Variants in LRRC41 observed in about 807,000 individuals in gnomAD.
The protein encoded by LRRC41 is leucine rich repeat containing 41.
A neutral mutation model predicts 72.1 loss-of-function variants in LRRC41; 17 were observed. The observed-to-expected ratio is 0.24, with a 90% CI of 0.16 to 0.35. The LOEUF is 0.35. Among genes scored for constraint, LRRC41 ranks in the 10% least tolerant of loss-of-function variants. The pLI is 1.00. For synonymous variants in LRRC41, 427 were observed against 431.0 expected (o/e 0.99, Z 0.11); for missense variants, 759 against 1,065.0 (o/e 0.71, Z 4.00).
intron 3 of LRRC41, among the ~76,000 whole-genome samples, chr1:46,291,116 G>T (rs2148320945): frequency 6.6e-6 from 1 of 151,100 alleles, no homozygotes; most frequent in Non-Finnish European, 1.5e-5. Flanking sequence ...GTAGAGATGG[G>T]GTTTCGCCAT....
rs1326519913 is a variant in LRRC41, at chr1:46,280,499, C to T, written c.1818G>A (p.Leu606=). 6.2e-7 allele frequency: 1 copy of T among 1,614,210 alleles called. No individual in the cohort carries two copies. Among genetic ancestry groups the T allele is most frequent in the South Asian group, 1.1e-5 (1 of 91,084 alleles). Residue 606 remains leucine, a synonymous_variant, in exon 6 of 10, where the codon CTG becomes CTA. Coordinates refer to ENST00000617190, the MANE Select transcript of LRRC41 (RefSeq NM_006369.5). ...AACCCGAGGCCTTCAGAACGGAGCA[C>T]AGCAGTGGGGCTGGCTGGGCTCCCC... is the stretch of plus-strand genomic sequence containing the variant. ...FPRGAQPAPL[L]CSVLKASGSL... is the part of the protein sequence containing the mutation.
chr1:46,298,935 G>GTA (rs1661175173), intron 1 of LRRC41: 1 of 152,288 alleles, frequency 6.6e-6, no homozygotes, highest in South Asian at 2.1e-4. Flanking sequence ...CATCTTTCAA[G>GTA]TATCACATGC....
Position 46,302,549 on chromosome 1 carries a change from C to G in LRRC41, c.199+575G>C. ...CCGACCCTTTCGTTCGGCCTCTCCCCCTGCCCCATTCCCTCGCTCTCCAAT... is the reference window on the plus strand; with the variant it reads ...CCGACCCTTTCGTTCGGCCTCTCCCGCTGCCCCATTCCCTCGCTCTCCAAT... On this transcript the variant is annotated intron_variant, in intron 1 of 9. Transcript: ENST00000617190. This position sits in a 1 kb window ranked among gnomAD's most constrained non-coding sequence, Gnocchi z 4.7. The G allele has an allele frequency of 1.0e-6, 1 of 985,076 alleles. No homozygotes were observed. The highest frequency in any genetic ancestry group is 1.2e-6 in the Non-Finnish European group (1 of 829,834). The allele number at this position is 985,076 out of a possible 1,614,324, so 61.0% of individuals were successfully genotyped here.
chr1:46,298,385 A>G lies in LRRC41; in HGVS notation c.200-15T>C. 1.1e-5 allele frequency: 18 copies of G among 1,566,920 alleles called. No homozygotes were observed. Among genetic ancestry groups the G allele is most frequent in the Non-Finnish European group, 1.6e-5 (18 of 1,141,904 alleles). Reference sequence around the variant, plus strand: ...GCCTGGGAGGGCTACAAAAATCAAAACAAAAGTTTACTTTTCCTCCCCTCC... The same window carrying G: ...GCCTGGGAGGGCTACAAAAATCAAAGCAAAAGTTTACTTTTCCTCCCCTCC... On this transcript the variant is annotated splice_polypyrimidine_tract_variant and intron_variant, in intron 1 of 9. Transcript: ENST00000617190.
At chr1:46,282,322 C>A (rs1043083920) in intron 4 of LRRC41, among the ~76,000 whole-genome samples, 1 of 152,142 alleles carries the variant, frequency 6.6e-6, no homozygotes, top group Non-Finnish European at 1.5e-5. Flanking sequence ...AAAAGATAAC[C>A]AAATCCCACA....
At chr1:46,298,522 C>G in intron 1 of LRRC41, 152 bp from the exon 2 acceptor site, 2 of 533,976 alleles carry the variant, frequency 3.7e-6, no homozygotes, top group Non-Finnish European at 6.6e-6. Flanking sequence ...TAGATCTGTT[C>G]CAAACTCTAG....
rs1660770539 is a variant in LRRC41 at position 46,281,323 on chromosome 1, A to T, written c.1558T>A (p.Cys520Ser). 4 of 1,614,096 alleles carry T rather than the reference A, an allele frequency of 2.5e-6. No individual in the cohort carries two copies. Among genetic ancestry groups the T allele is most frequent in the Non-Finnish European group, 3.4e-6 (4 of 1,180,038 alleles). Residue 520 changes from cysteine to serine, a missense_variant, in exon 5 of 10, where the codon TGT becomes AGT. By Grantham distance (112) the Cys-to-Ser change is moderately radical. Transcript: ENST00000617190. ...SLRALSGQAG[C>S]RLRALHLSDL... ...CTGAGATGCAGGGCACGGAGGCGAC[A>T]TCCAGCCTGGCCTGACAGGGCCCGC...
intron 3 of LRRC41, among the ~76,000 whole-genome samples, chr1:46,287,543 C>T (rs1400827417): frequency 6.6e-6 from 1 of 152,228 alleles, no homozygotes; most frequent in African/African-American, 2.4e-5. Flanking sequence ...ACCCTAATGT[C>T]TCCCTACTGC....
intron 1 of LRRC41, 94 bp from the exon 2 acceptor site, chr1:46,298,464 G>A (rs1661167546): frequency 1.4e-6 from 1 of 696,660 alleles, no homozygotes; most frequent in East Asian, 2.8e-5. Context: ...AAAGGAAAAT[G>A]GAAGGGTAGA....
chr1:46,292,403 G>A (rs890946930), intron 3 of LRRC41, among the ~76,000 whole-genome samples: 2 of 152,102 alleles, frequency 1.3e-5, no homozygotes, highest in Non-Finnish European at 2.9e-5. Flanking sequence ...AGCCAGCCTA[G>A]ATATTTTAAA....
At chr1:46,294,751 C>A (rs552738360) in intron 3 of LRRC41, among the ~76,000 whole-genome samples, 3 of 151,860 alleles carry the variant, frequency 2.0e-5, no homozygotes, top group African/African-American at 4.8e-5. Context: ...CGTGCCACCA[C>A]GCCCAGCTAA....
At chr1:46,289,645 T>G (rs979931457) in intron 3 of LRRC41, among the ~76,000 whole-genome samples, 1 of 151,986 alleles carries the variant, frequency 6.6e-6, no homozygotes, top group Admixed American at 6.6e-5. Context: ...CCTGTAGTCC[T>G]GGCTACTCAG....
chr1:46,279,669 C>T lies in LRRC41; in HGVS notation c.2021-55G>A, dbSNP rs1210442109. 6.2e-7 allele frequency: 1 copy of T among 1,607,756 alleles called. No homozygotes were observed. Among genetic ancestry groups the T allele is most frequent in the African/African-American group, 1.3e-5 (1 of 74,872 alleles). ...TGGCTGCATTAGGACTGGTGCTGCCCCTCCTGCCCCAGTTGGCCCTAGCAA... is the reference window on the plus strand; with the variant it reads ...TGGCTGCATTAGGACTGGTGCTGCCTCTCCTGCCCCAGTTGGCCCTAGCAA... On this transcript the variant is annotated intron_variant, in intron 7 of 9. Transcript: ENST00000617190. The surrounding 1 kb of genome is among the most constrained non-coding windows in gnomAD (Gnocchi z 4.5).
Position 46,278,928 on chromosome 1 carries a change from G to C in LRRC41, c.2376C>G (p.Cys792Trp). ...AGTCCCATGAGTCGCTAACCACATGGCAGGTAGCCCGGAGCCGCCGGATGG... is the reference window on the plus strand; with the variant it reads ...AGTCCCATGAGTCGCTAACCACATGCCAGGTAGCCCGGAGCCGCCGGATGG... The part of the protein sequence containing the change: ...REAIRRLRAT[C>W]HVVSDSWDSS... Residue 792 changes from cysteine to tryptophan, a missense_variant, in exon 10 of 10, where the codon TGC (cysteine) becomes TGG (tryptophan). Cys to Trp is a radical substitution (Grantham distance 215). This residue lies in a region of LRRC41 where 110 missense variants were observed against 227.0 expected (regional missense o/e 0.48). Coordinates refer to ENST00000617190, the MANE Select transcript of LRRC41 (RefSeq NM_006369.5). The C allele has an allele frequency of 6.2e-7, 1 of 1,613,808 alleles. No individual in the cohort carries two copies. The highest frequency in any genetic ancestry group is 8.5e-7 in the Non-Finnish European group (1 of 1,180,022).
Position 46,279,738 on chromosome 1 carries a change from T to G in LRRC41, c.2021-124A>C, listed in dbSNP as rs1377056220. The G allele has an allele frequency of 7.9e-6, 9 of 1,143,922 alleles. No homozygotes were observed. In the Admixed American group the frequency reaches 1.8e-4, roughly 23 times the overall value. 70.9% of individuals were successfully genotyped at this position (1,143,922 alleles called of 1,614,324 possible). A position where few individuals can be genotyped will look rare whatever the true frequency, so the allele number is the denominator to read the frequency against. ...AGGCCCAAAAAGAGGAAGGAATTTGTCTAGACTCCAAGCAAGGCTGGAACT... is the reference window on the plus strand; with the variant it reads ...AGGCCCAAAAAGAGGAAGGAATTTGGCTAGACTCCAAGCAAGGCTGGAACT... On this transcript the variant is annotated intron_variant, in intron 7 of 9. Transcript: ENST00000617190. This position sits in a 1 kb window ranked among gnomAD's most constrained non-coding sequence, Gnocchi z 4.5.
chr1:46,286,519 C>A lies in LRRC41; in HGVS notation c.358-20G>T. On this transcript the variant is annotated intron_variant, in intron 3 of 9. Transcript: ENST00000617190. The surrounding 1 kb of genome is among the most constrained non-coding windows in gnomAD (Gnocchi z 5.5). ...CACACTCTGAAACGCAGAAAACATG[C>A]CAGACAGCCATGATATATCCATGAA... The A allele has an allele frequency of 6.4e-7, 1 of 1,568,640 alleles. No homozygotes were observed. Among genetic ancestry groups the A allele is most frequent in the East Asian group, 2.2e-5 (1 of 44,446 alleles).
chr1:46,285,240 G>A lies in LRRC41; in HGVS notation c.1495+122C>T, dbSNP rs117661845. On this transcript the variant is annotated intron_variant, in intron 4 of 9. Coordinates refer to ENST00000617190, the MANE Select transcript of LRRC41 (RefSeq NM_006369.5). The surrounding 1 kb of genome is among the most constrained non-coding windows in gnomAD (Gnocchi z 5.3). The stretch of plus-strand genomic sequence containing the variant: ...GTCTCCCCTGCTATGAGGCATACAA[G>A]CCTTCCTCTCTAACCTCCTGATCAT... The A allele has an allele frequency of 2.0e-3, 1,824 of 899,214 alleles. 53 individuals carry two copies. In the East Asian group the frequency reaches 0.046, roughly 23 times the overall value. 55.7% of individuals were successfully genotyped at this position (899,214 alleles called of 1,614,324 possible).
In LRRC41 at chr1:46,303,337, C is replaced by G. The variant is rs1661289473; in HGVS notation, c.-15G>C. 2.0e-6 allele frequency: 3 copies of G among 1,502,826 alleles called. No homozygotes were observed. Among genetic ancestry groups the G allele is most frequent in the African/African-American group, 2.8e-5 (2 of 70,602 alleles). The allele number at this position is 1,502,826 out of a possible 1,614,324, so 93.1% of individuals were successfully genotyped here. A position where few individuals can be genotyped will look rare whatever the true frequency, so the allele number is the denominator to read the frequency against. Reference sequence around the variant, plus strand: ...GGCGCCGCCATCTTGGGGAGGTGCGCGAGCCCGAGAGTGTCGCCCGCGGAC... The same window carrying G: ...GGCGCCGCCATCTTGGGGAGGTGCGGGAGCCCGAGAGTGTCGCCCGCGGAC... On this transcript the variant is annotated 5_prime_UTR_variant, in exon 1 of 10. Coordinates refer to ENST00000617190, the MANE Select transcript of LRRC41 (RefSeq NM_006369.5).
In LRRC41 at chr1:46,277,728, T is replaced by C; in HGVS notation, c.*1137A>G. The C allele has an allele frequency of 7.0e-7, 1 of 1,419,512 alleles. No homozygotes were observed. The highest frequency in any genetic ancestry group is 1.2e-5 in the South Asian group (1 of 86,510). 87.9% of individuals were successfully genotyped at this position (1,419,512 alleles called of 1,614,324 possible). A position where few individuals can be genotyped will look rare whatever the true frequency, so the allele number is the denominator to read the frequency against. ...TTCATCTCCTCTTCTCGGGTAGCTG[T>C]AGTTTCAACCCTTTGGTTTTCCTGC... On this transcript the variant is annotated 3_prime_UTR_variant, in exon 10 of 10. Coordinates refer to ENST00000617190, the MANE Select transcript of LRRC41 (RefSeq NM_006369.5).
Sources: gnomAD v4.1 joint callset for allele counts (sites outside exome capture counted in the v4.1 genomes callset) on GRCh38, gnomAD v4.1.1 for gene constraint, gnomAD v4.1.1 regional missense constraint, Gnocchi (gnomAD v3.1) non-coding constraint, MANE v1.5 for transcripts, NCBI Gene and HGNC (gene_info 2026-07-23, HGNC 2026-07-21) for gene names.